Variants in ANKRD24 observed in about 807,000 individuals in gnomAD.
ANKRD24 encodes the protein ankyrin repeat domain-containing protein 24.
In ANKRD24, 109 loss-of-function variants were observed where a neutral mutation model predicts 127.8. The ratio of observed to expected loss-of-function variants is 0.85; its 90% CI spans 0.73 to 1.00. ANKRD24 has a LOEUF of 1.00. ANKRD24 is among the 50% of genes least tolerant of loss of function. ANKRD24 has a pLI of 0.00. For missense variants in ANKRD24, 1,648 were observed against 1,570.2 expected (o/e 1.05, Z -0.84); for synonymous variants, 743 against 671.1 (o/e 1.11, Z -1.66).
At chr19:4,224,290 G>A (rs902951982) in intron 21 of ANKRD24, 98 bp downstream of exon 21, 18 of 1,430,268 alleles carry the variant, frequency 1.3e-5, no homozygotes, top group South Asian at 5.0e-5. Flanking sequence ...AGGCTGGTCT[G>A]GGGAGAGGTT....
At chr19:4,215,603 A>AC (rs142714566) in intron 15 of ANKRD24, among the ~76,000 whole-genome samples, 1 of 130 alleles carries the variant, frequency 7.7e-3, no homozygotes, top group Admixed American at 0.12. Flanking sequence ...CGCATCTCTG[A>AC]AAAAAAAAAA....
rs1435453821 is a variant in ANKRD24, at chr19:4,208,077, G to A, written c.832+109G>A. On this transcript the variant is annotated intron_variant, in intron 10 of 21. Transcript: ENST00000318934. ...GGTACCCCCGATTGGCTGCATTCTA[G>A]GAGGTCCTAGAGCTTACCCAATTCT... 5 of 1,215,906 alleles carry A rather than the reference G, an allele frequency of 4.1e-6. 1 individual carries two copies. The highest frequency in any genetic ancestry group is 3.9e-4 in the Middle Eastern group (2 of 5,064). 75.3% of individuals were successfully genotyped at this position (1,215,906 alleles called of 1,614,324 possible).
chr19:4,190,646 T>G (rs1429353318), intron 2 of ANKRD24, among the ~76,000 whole-genome samples: 1 of 150,664 alleles, frequency 6.6e-6, no homozygotes, highest in Non-Finnish European at 1.5e-5. Context: ...GGAAGGAAAA[T>G]CTCTTGAACC....
chr19:4,222,613 GT>G, intron 19 of ANKRD24, 56 bp from the exon 20 acceptor site: 3 of 1,504,766 alleles, frequency 2.0e-6, no homozygotes, highest in Non-Finnish European at 2.7e-6. Context: ...CTGCAGAGAG[GT>G]CCTCAGCCCC....
intron 13 of ANKRD24, 105 bp downstream of exon 13, chr19:4,210,477 C>A: frequency 9.7e-7 from 1 of 1,031,596 alleles, no homozygotes; most frequent in Non-Finnish European, 1.4e-6. Context: ...CATCTCTCTC[C>A]CTCCCCACCC....
rs990488292 is a variant in ANKRD24 at position 4,186,328 on chromosome 19, C to T, written c.-36-62C>T. On this transcript the variant is annotated intron_variant, in intron 1 of 21. Coordinates refer to ENST00000318934, the MANE Select transcript of ANKRD24 (RefSeq NM_001393985.1). ...GGTCCTTTTGAGGAGGGCGAGGCAACGGACCCTGCCGCCCACCAGGACTGG... is the reference window on the plus strand; with the variant it reads ...GGTCCTTTTGAGGAGGGCGAGGCAATGGACCCTGCCGCCCACCAGGACTGG... 1.2e-5 allele frequency: 19 copies of T among 1,541,440 alleles called. No individual in the cohort carries two copies. In the East Asian group the frequency reaches 2.0e-4, roughly 16 times the overall value.
At position 4,216,913 on chromosome 19, in the gene ANKRD24, G is replaced by GAGGCCACGGGAGCCA. The variant is rs764084883; in HGVS notation, c.1766_1767insCAAGGCCACGGGAGC (p.Ala589_Glu590insLysAlaThrGlyAla). ...TATGGAAGCTGAGGCCACGGGAGCC[G>GAGGCCACGGGAGCCA]AGGCCACGGGAGCTGAGGCCACAGG... On this transcript the variant is annotated inframe_insertion, in exon 18 of 22. Transcript: ENST00000318934. 153 of 1,609,924 alleles carry GAGGCCACGGGAGCCA rather than the reference G, an allele frequency of 9.5e-5. No individual in the cohort carries two copies. The highest frequency in any genetic ancestry group is 6.9e-4 in the Admixed American group (41 of 59,026).
rs1338919092 is a variant in ANKRD24, at chr19:4,217,748, C to CG, written c.2593dup (p.Glu865GlyfsTer18). 3.8e-6 allele frequency: 5 copies of CG among 1,298,906 alleles called. No homozygotes were observed. Among genetic ancestry groups the CG allele is most frequent in the Non-Finnish European group, 4.9e-6 (5 of 1,027,800 alleles). The allele number at this position is 1,298,906 out of a possible 1,614,324, so 80.5% of individuals were successfully genotyped here. Reference sequence around the variant, plus strand: ...GAGCAGCTGGCCACGGCCAGGGCCACGGGGGAGCAGCAGCGCACGGCGGCC... The same window carrying CG: ...GAGCAGCTGGCCACGGCCAGGGCCACGGGGGGAGCAGCAGCGCACGGCGGCC... On this transcript the variant is annotated frameshift_variant, in exon 18 of 22. Coordinates refer to ENST00000318934, the MANE Select transcript of ANKRD24 (RefSeq NM_001393985.1). LOFTEE classifies it high-confidence loss of function.
intron 2 of ANKRD24, among the ~76,000 whole-genome samples, chr19:4,194,788 G>A (rs539269495): frequency 6.6e-6 from 1 of 152,268 alleles, no homozygotes; most frequent in East Asian, 1.9e-4. Context: ...GGTGGTGGCC[G>A]TGGAAGGGGT....
At chr19:4,209,521 C>A (rs906055744) in intron 11 of ANKRD24, among the ~76,000 whole-genome samples, 1 of 152,130 alleles carries the variant, frequency 6.6e-6, no homozygotes, top group Non-Finnish European at 1.5e-5. Context: ...GTGATCTTGG[C>A]TCACTGCAAC....
intron 2 of ANKRD24, among the ~76,000 whole-genome samples, chr19:4,188,028 A>AAGAG: frequency 1.3e-5 from 2 of 152,054 alleles, no homozygotes; most frequent in Non-Finnish European, 2.9e-5. Flanking sequence ...CATTTTTGAA[A>AAGAG]AGCCAAAAAG....
chr19:4,221,944 A>G (rs1264662228), intron 19 of ANKRD24, among the ~76,000 whole-genome samples: 2 of 152,154 alleles, frequency 1.3e-5, no homozygotes, highest in East Asian at 3.9e-4. Flanking sequence ...GTCCCCACAC[A>G]ACACCCAGTG....
chr19:4,195,159 G>A lies in ANKRD24; in HGVS notation c.37-4524G>A, dbSNP rs984787318. ...ACGACTTCTGCTCACTGCAAGCTCC[G>A]CCTCCCGGGTGCACGCCATTCTCCT... On this transcript the variant is annotated intron_variant, in intron 2 of 21. Coordinates refer to ENST00000318934, the MANE Select transcript of ANKRD24 (RefSeq NM_001393985.1). This position sits in a 1 kb window ranked among gnomAD's most constrained non-coding sequence, Gnocchi z 4.2. Among the ~76,000 whole-genome samples the A allele has an allele frequency of 4.6e-5, 7 of 151,134 alleles. No individual in the cohort carries two copies. Among genetic ancestry groups the A allele is most frequent in the East Asian group, 1.9e-4 (1 of 5,152 alleles).
rs1353668089 is a variant in ANKRD24 at position 4,207,909 on chromosome 19, G to T, written c.773G>T (p.Gly258Val). ...QDAAHYGALA[G>V]DKLILHLLQE... ...GCGGCTCACTATGGCGCCCTGGCGG[G>T]GGACAAACTCATCCTGCACCTTCTG... The change falls in exon 10 of 22, where the codon GGG (glycine) becomes GTG (valine). Residue 258 changes from glycine (G) to valine (V), a missense_variant. Physicochemically the swap from Gly to Val is moderately radical, Grantham distance 109 (BLOSUM62 -3). Transcript: ENST00000318934. 1.9e-6 allele frequency: 3 copies of T among 1,555,972 alleles called. No homozygotes were observed. The Admixed American group carries it at 6.2e-5, about 32-fold the overall frequency.
chr19:4,207,202 G>A (rs1253817348), intron 7 of ANKRD24, 40 bp from the exon 8 acceptor site: 4 of 1,593,946 alleles, frequency 2.5e-6, no homozygotes, highest in Non-Finnish European at 3.4e-6. Context: ...GGGATTACAG[G>A]GTTGAGCTAC....
rs2052191 is a variant in ANKRD24, at chr19:4,200,159, G to A, written c.331G>A (p.Ala111Thr). The change falls in exon 5 of 22, where the codon GCG becomes ACG. Residue 111 changes from alanine (A) to threonine (T), a missense_variant. Ala to Thr is a moderately conservative substitution (Grantham distance 58). Coordinates refer to ENST00000318934, the MANE Select transcript of ANKRD24 (RefSeq NM_001393985.1). ...MIAHGSNVMSADGAGYNALHL... is the reference protein window; with the variant it reads ...MIAHGSNVMSTDGAGYNALHL... Reference sequence around the variant, plus strand: ...AGCTCATGGCAGCAATGTCATGAGCGCGGACGGGGCAGGTACTGCCAGCTG... The same window carrying A: ...AGCTCATGGCAGCAATGTCATGAGCACGGACGGGGCAGGTACTGCCAGCTG... 673,828 of 1,601,314 alleles carry A rather than the reference G, an allele frequency of 0.42. 143,934 individuals carry two copies. Among genetic ancestry groups the A allele is most frequent in the African/African-American group, 0.53 (39,342 of 74,736 alleles).
chr19:4,212,538 C>T lies in ANKRD24; in HGVS notation c.1098+25C>T, dbSNP rs116727727. 1.6e-3 allele frequency: 2,459 copies of T among 1,550,948 alleles called. 15 individuals carry two copies. The African/African-American group carries it at 0.018, about 11-fold the overall frequency. On this transcript the variant is annotated intron_variant, in intron 14 of 21. Transcript: ENST00000318934. ...GGTAGGTGGGAAGGTGGGGAGGAGC[C>T]GGTCCTCCTGCTGCCCAGCCTTTCC...
chr19:4,215,601 T>TG (rs1599455580), intron 15 of ANKRD24, among the ~76,000 whole-genome samples: 1 of 6,602 alleles, frequency 1.5e-4, no homozygotes, highest in East Asian at 2.5e-3. Context: ...ACCGCATCTC[T>TG]GAAAAAAAAA....
rs753564711 is a variant in ANKRD24 at position 4,215,930 on chromosome 19, G to A, written c.1198-48G>A. ...CACTGGAGTCTTGGTGGGGACACAC[G>A]GGGGCTGAGAGCAGAACCCCGAGCT... On this transcript the variant is annotated intron_variant, in intron 15 of 21. Coordinates refer to ENST00000318934, the MANE Select transcript of ANKRD24 (RefSeq NM_001393985.1). The A allele has an allele frequency of 5.9e-5, 87 of 1,483,748 alleles. 2 individuals are homozygous for A. In the South Asian group the frequency reaches 6.3e-4, roughly 11 times the overall value. The allele number at this position is 1,483,748 out of a possible 1,614,324, so 91.9% of individuals were successfully genotyped here. A position where few individuals can be genotyped will look rare whatever the true frequency, so the allele number is the denominator to read the frequency against.
Sources: allele counts gnomAD v4.1 joint callset (sites outside exome capture counted in the v4.1 genomes callset), GRCh38; gene constraint gnomAD v4.1.1; non-coding constraint Gnocchi (gnomAD v3.1); transcripts MANE v1.5; gene names NCBI Gene and HGNC (gene_info 2026-07-23, HGNC 2026-07-21).